Variants in SPATS2 observed in about 807,000 individuals in gnomAD.
SPATS2 encodes spermatogenesis associated serine rich 2.
SPATS2 carries 38 observed loss-of-function variants against 63.7 expected under a neutral mutation model. The observed-to-expected ratio is 0.60, with a 90% CI of 0.46 to 0.78. The LOEUF is 0.78. Among genes scored for constraint, SPATS2 ranks in the 30% least tolerant of loss-of-function variants. The pLI is 0.00. For missense variants in SPATS2, 588 were observed against 666.2 expected (o/e 0.88, Z 1.29); for synonymous variants, 207 against 232.9 (o/e 0.89, Z 1.01).
chr12:49,437,186 C>T (rs1342986418), intron 2 of SPATS2, among the ~76,000 whole-genome samples: 5 of 151,458 alleles, frequency 3.3e-5, no homozygotes, highest in East Asian at 2.0e-4. Context: ...CTCCTCACTT[C>T]TCAGACGGGG....
chr12:49,389,631 G>A (rs1022427776), intron 2 of SPATS2: 5 of 1,177,184 alleles, frequency 4.2e-6, no homozygotes, highest in Non-Finnish European at 6.4e-6. Context: ...CTCAATAAGC[G>A]AGTAGAAGCC....
chr12:49,396,248 T>C (rs1184878568), intron 2 of SPATS2, among the ~76,000 whole-genome samples: 1 of 152,240 alleles, frequency 6.6e-6, no homozygotes, highest in African/African-American at 2.4e-5. Context: ...TTCTTTTGGA[T>C]AAATATCCAG....
rs12321717 is a variant in SPATS2 at position 49,526,948 on chromosome 12, G to T, written c.*693G>T. On this transcript the variant is annotated 3_prime_UTR_variant, in exon 14 of 14. Coordinates refer to ENST00000552918, the MANE Select transcript of SPATS2 (RefSeq NM_023071.4). ...TTAATTAAAGTTTAAAAAAAAAAAG[G>T]TTGGGCGTTGTGGCTCATGCCTGTA... The T allele has an allele frequency of 6.6e-6, 1 of 151,788 alleles. No homozygotes were observed. Among genetic ancestry groups the T allele is most frequent in the African/African-American group, 2.4e-5 (1 of 41,310 alleles). The allele number at this position is 151,788 out of a possible 1,614,324, so 9.4% of individuals were successfully genotyped here.
chr12:49,458,142 GTATGAGTTCCATAA>G (rs1945752264), intron 2 of SPATS2, among the ~76,000 whole-genome samples: 1 of 151,994 alleles, frequency 6.6e-6, no homozygotes, highest in African/African-American at 2.4e-5. Context: ...AGGTGCCCAG[GTATGAGTTCCATAA>G]TCCTTATAAT....
At chr12:49,396,396 T>G (rs1944512372) in intron 2 of SPATS2, among the ~76,000 whole-genome samples, 1 of 152,238 alleles carries the variant, frequency 6.6e-6, no homozygotes, top group South Asian at 2.1e-4. Flanking sequence ...CTTTGATTGC[T>G]GATTTCCTCG....
chr12:49,502,696 A>G (rs1946585518), intron 9 of SPATS2, among the ~76,000 whole-genome samples: 1 of 151,888 alleles, frequency 6.6e-6, no homozygotes, highest in Admixed American at 6.5e-5. Context: ...GGCCCAAGCA[A>G]TCCTCTCATC....
intron 9 of SPATS2, chr12:49,512,980 G>T: frequency 8.3e-7 from 1 of 1,198,264 alleles, no homozygotes; most frequent in Non-Finnish European, 1.1e-6. Flanking sequence ...TGATGCTTTT[G>T]GATTAATATG....
intron 8 of SPATS2, among the ~76,000 whole-genome samples, chr12:49,497,598 G>T (rs1478036596): frequency 3.3e-5 from 5 of 151,952 alleles, no homozygotes; most frequent in African/African-American, 1.2e-4. Context: ...GTTTCGCCGT[G>T]TTAGCCAGGA....
chr12:49,451,480 A>C (rs559137747), intron 2 of SPATS2, among the ~76,000 whole-genome samples: 12 of 152,316 alleles, frequency 7.9e-5, no homozygotes, highest in Middle Eastern at 6.8e-3. Flanking sequence ...TATTGTTATT[A>C]ATCTTGTATT....
intron 2 of SPATS2, among the ~76,000 whole-genome samples, chr12:49,452,175 G>A (rs1183476333): frequency 6.6e-6 from 1 of 152,090 alleles, no homozygotes; most frequent in Non-Finnish European, 1.5e-5. Flanking sequence ...ATTGTTTTTG[G>A]TCACCATTTT....
At chr12:49,510,809 A>T (rs916593992) in intron 9 of SPATS2, among the ~76,000 whole-genome samples, 12 of 152,226 alleles carry the variant, frequency 7.9e-5, no homozygotes, top group Admixed American at 1.3e-4. Flanking sequence ...TGCATGTTAG[A>T]TATCTGTATA....
At chr12:49,521,278 G>A (rs1946937585) in intron 11 of SPATS2, among the ~76,000 whole-genome samples, 2 of 152,272 alleles carry the variant, frequency 1.3e-5, no homozygotes, top group African/African-American at 4.8e-5. Flanking sequence ...AACAGAGGTG[G>A]AAGATCATCC....
intron 2 of SPATS2, among the ~76,000 whole-genome samples, chr12:49,449,001 C>T (rs1030571735): frequency 1.3e-5 from 2 of 152,182 alleles, no homozygotes; most frequent in Non-Finnish European, 2.9e-5. Context: ...AAATACAATA[C>T]ATAAATCAAT....
At chr12:49,481,741 G>A (rs112853745) in intron 3 of SPATS2, among the ~76,000 whole-genome samples, 2,448 of 152,030 alleles carry the variant, frequency 0.016, 35 homozygotes, top group Non-Finnish European at 0.024. Context: ...GGGATTACAG[G>A]TGTGAGCCAC....
intron 2 of SPATS2, among the ~76,000 whole-genome samples, chr12:49,416,989 CT>C (rs1944900271): frequency 6.6e-6 from 1 of 152,130 alleles, no homozygotes; most frequent in Admixed American, 6.6e-5. Context: ...TTTCTCTTCC[CT>C]TTTTCACTAG....
At chr12:49,387,940 T>G (rs1336826019) in intron 2 of SPATS2, among the ~76,000 whole-genome samples, 1 of 152,200 alleles carries the variant, frequency 6.6e-6, no homozygotes, top group African/African-American at 2.4e-5. Flanking sequence ...TAATGCCTTT[T>G]GCTTTAAGTA....
chr12:49,517,645 G>C (rs148582173), intron 10 of SPATS2, among the ~76,000 whole-genome samples: 1 of 152,130 alleles, frequency 6.6e-6, no homozygotes, highest in Non-Finnish European at 1.5e-5. Flanking sequence ...CATTCTGAGA[G>C]TATGCTTATG....
chr12:49,484,525 C>T, intron 3 of SPATS2, 65 bp from the exon 4 acceptor site: 1 of 1,503,436 alleles, frequency 6.7e-7, no homozygotes. Context: ...CAGTCTTGGC[C>T]CTTCTGTCTT....
intron 2 of SPATS2, among the ~76,000 whole-genome samples, chr12:49,448,285 C>A (rs981892152): frequency 5.9e-5 from 9 of 151,272 alleles, no homozygotes; most frequent in Non-Finnish European, 8.8e-5. Flanking sequence ...CTACAGGCAC[C>A]CGCCACCATG....
Sources: gnomAD v4.1 joint callset for allele counts (sites outside exome capture counted in the v4.1 genomes callset) on GRCh38, gnomAD v4.1.1 for gene constraint, MANE v1.5 for transcripts, NCBI Gene and HGNC (gene_info 2026-07-23, HGNC 2026-07-21) for gene names.